NR1H4: variants seen among roughly 807,000 people sequenced by gnomAD.
The protein encoded by NR1H4 is nuclear receptor subfamily 1 group H member 4.
NR1H4 carries 23 observed loss-of-function variants against 58.5 expected under a neutral mutation model. The observed-to-expected ratio is 0.39, with a 90% confidence interval of 0.28 to 0.56. The LOEUF is 0.56. NR1H4 is among the 20% of genes least tolerant of loss of function. The pLI is 0.58. For missense variants in NR1H4, 487 were observed against 576.9 expected (o/e 0.84, Z 1.60); for synonymous variants, 214 against 198.0 (o/e 1.08, Z -0.68).
chr12:100,542,932 G>A (rs1954971426), intron 9 of NR1H4, among the ~76,000 whole-genome samples: 1 of 151,602 alleles, frequency 6.6e-6, no homozygotes, highest in South Asian at 2.1e-4. Context: ...AGTGAAGAGA[G>A]AAATCAAGCA....
chr12:100,505,647 A>G, intron 3 of NR1H4: 2 of 701,090 alleles, frequency 2.9e-6, no homozygotes, highest in South Asian at 1.5e-5. Context: ...TCCATGGAGA[A>G]CCGTCACAAA....
intron 3 of NR1H4, among the ~76,000 whole-genome samples, chr12:100,496,696 G>C (rs544384862): frequency 6.6e-6 from 1 of 152,102 alleles, no homozygotes; most frequent in Non-Finnish European, 1.5e-5. Flanking sequence ...CTTGGTACAC[G>C]GCTCAACAAG....
intron 9 of NR1H4, among the ~76,000 whole-genome samples, chr12:100,547,850 A>T (rs1283410288): frequency 6.6e-6 from 1 of 151,452 alleles, no homozygotes; most frequent in Non-Finnish European, 1.5e-5. Flanking sequence ...CCTCCCAAGT[A>T]GCTGGGACTA....
At chr12:100,490,981 A>C (rs1408937551) in intron 1 of NR1H4, among the ~76,000 whole-genome samples, 2 of 152,044 alleles carry the variant, frequency 1.3e-5, no homozygotes, top group Non-Finnish European at 2.9e-5. Context: ...TTTTTATTAG[A>C]GGTGAGTTTT....
intron 9 of NR1H4, among the ~76,000 whole-genome samples, chr12:100,560,995 G>A (rs1406954692): frequency 6.6e-6 from 1 of 152,108 alleles, no homozygotes; most frequent in African/African-American, 2.4e-5. Flanking sequence ...GCTTAGTTCT[G>A]TGGTGTCTTT....
At position 100,504,371 on chromosome 12, in the gene NR1H4, A is replaced by C. The variant is rs1448088960; in HGVS notation, c.80-6407A>C. Reference sequence around the variant, plus strand: ...ACTTGGTAGCATACCATTTTGTTTAAATGCGATGTTTAAAAGTGACCGACA... The same window carrying C: ...ACTTGGTAGCATACCATTTTGTTTACATGCGATGTTTAAAAGTGACCGACA... On this transcript the variant is annotated intron_variant, in intron 3 of 10. Coordinates refer to ENST00000392986, the MANE Select transcript of NR1H4 (RefSeq NM_001206979.2). 2.0e-5 allele frequency among the ~76,000 whole-genome samples: 3 copies of C among 152,170 alleles called. No homozygotes were observed. In the East Asian group the frequency reaches 5.8e-4, roughly 29 times the overall value.
chr12:100,516,041 G>A (rs539837885), intron 4 of NR1H4, among the ~76,000 whole-genome samples: 20 of 152,186 alleles, frequency 1.3e-4, no homozygotes, highest in Non-Finnish European at 1.9e-4. Context: ...GAATACTGGC[G>A]TAAAAATCAT....
At chr12:100,549,994 C>G (rs1331873309) in intron 9 of NR1H4, among the ~76,000 whole-genome samples, 1 of 152,150 alleles carries the variant, frequency 6.6e-6, no homozygotes, top group Admixed American at 6.5e-5. Flanking sequence ...CAAAGTTACT[C>G]TGTTTATGCC....
intron 3 of NR1H4, among the ~76,000 whole-genome samples, chr12:100,495,606 C>A (rs1472235762): frequency 6.6e-6 from 1 of 151,436 alleles, no homozygotes; most frequent in African/African-American, 2.4e-5. Flanking sequence ...TGGTGCATGC[C>A]TATAATCCCA....
At chr12:100,546,122 G>A (rs1189660540) in intron 9 of NR1H4, among the ~76,000 whole-genome samples, 1 of 152,120 alleles carries the variant, frequency 6.6e-6, no homozygotes, top group African/African-American at 2.4e-5. Flanking sequence ...TCACAGGGCG[G>A]CAGCTGGAGG....
chr12:100,534,482 C>G (rs1160790905), intron 5 of NR1H4, among the ~76,000 whole-genome samples: 1 of 152,164 alleles, frequency 6.6e-6, no homozygotes, highest in Non-Finnish European at 1.5e-5. Context: ...TTTTCACAGT[C>G]CCCTAGAGCA....
chr12:100,487,595 C>CTTTT (rs34694873), intron 1 of NR1H4, among the ~76,000 whole-genome samples: 254 of 115,906 alleles, frequency 2.2e-3, no homozygotes, highest in Middle Eastern at 4.7e-3. Context: ...TCTTCTTCTT[C>CTTTT]TTTTTTTTTT....
In NR1H4 at chr12:100,540,691, T is replaced by C. The variant is rs1954914271; in HGVS notation, c.951T>C (p.His317=). 1.2e-6 allele frequency: 2 copies of C among 1,614,210 alleles called. No homozygotes were observed. The highest frequency in any genetic ancestry group is 8.5e-7 in the Non-Finnish European group (1 of 1,180,018). The change falls in exon 9 of 11, where the codon CAT becomes CAC. Residue 317 remains histidine, a synonymous_variant. Coordinates refer to ENST00000392986, the MANE Select transcript of NR1H4 (RefSeq NM_001206979.2). ...KKLPGFQTLD[H]EDQIALLKGS... Reference sequence around the variant, plus strand: ...ACCTAGGATTTCAGACTTTGGACCATGAAGACCAGATTGCTTTGCTGAAAG... The same window carrying C: ...ACCTAGGATTTCAGACTTTGGACCACGAAGACCAGATTGCTTTGCTGAAAG...
chr12:100,486,996 A>T (rs1315993278), intron 1 of NR1H4, among the ~76,000 whole-genome samples: 2 of 152,182 alleles, frequency 1.3e-5, no homozygotes, highest in African/African-American at 4.8e-5. Context: ...CAAGTCAATA[A>T]AAAAAGGAAC....
At chr12:100,508,317 A>G (rs1004116982) in intron 3 of NR1H4, among the ~76,000 whole-genome samples, 1 of 152,170 alleles carries the variant, frequency 6.6e-6, no homozygotes, top group Non-Finnish European at 1.5e-5. Context: ...CCGAACATGC[A>G]AAATGGCTGG....
At chr12:100,504,766 T>C (rs1306493639) in intron 3 of NR1H4, among the ~76,000 whole-genome samples, 1 of 152,184 alleles carries the variant, frequency 6.6e-6, no homozygotes, top group Non-Finnish European at 1.5e-5. Flanking sequence ...GTGGGTGAAA[T>C]GAATCCAGAT....
intron 9 of NR1H4, among the ~76,000 whole-genome samples, chr12:100,558,486 T>G (rs931210052): frequency 1.3e-5 from 2 of 151,832 alleles, no homozygotes; most frequent in Admixed American, 1.3e-4. Flanking sequence ...GCCTCCTGAG[T>G]AGCTGGGACC....
intron 9 of NR1H4, among the ~76,000 whole-genome samples, chr12:100,549,676 T>A (rs1325915602): frequency 6.6e-6 from 1 of 152,186 alleles, no homozygotes; most frequent in East Asian, 1.9e-4. Context: ...TTCCAGAATA[T>A]GATCTGTATA....
At chr12:100,558,108 C>T (rs1284643509) in intron 9 of NR1H4, among the ~76,000 whole-genome samples, 1 of 151,472 alleles carries the variant, frequency 6.6e-6, no homozygotes, top group Non-Finnish European at 1.5e-5. Flanking sequence ...CGCCTATAAT[C>T]CCAGCACTTT....
Sources: gnomAD v4.1 joint callset for allele counts (sites outside exome capture counted in the v4.1 genomes callset) on GRCh38, gnomAD v4.1.1 for gene constraint, MANE v1.5 for transcripts, NCBI Gene and HGNC (gene_info 2026-07-23, HGNC 2026-07-21) for gene names.